The following SDCCAG8 variants were observed in gnomAD, a reference collection of about 807,000 sequenced individuals.
The protein encoded by SDCCAG8 is SHH signaling and ciliogenesis regulator SDCCAG8.
In SDCCAG8, 74 loss-of-function variants were observed where a neutral mutation model predicts 101.8. That is an observed-to-expected ratio of 0.73 (90% CI 0.60 to 0.88). The LOEUF is 0.88. Ranked by LOEUF, SDCCAG8 falls within the 40% of genes least tolerant of loss-of-function variation. The pLI is 0.00. For missense variants in SDCCAG8, 787 were observed against 822.6 expected (o/e 0.96, Z 0.53); for synonymous variants, 281 against 292.9 (o/e 0.96, Z 0.41).
intron 13 of SDCCAG8, among the ~76,000 whole-genome samples, chr1:243,379,642 A>C (rs966852596): frequency 6.6e-6 from 1 of 152,162 alleles, no homozygotes; most frequent in Admixed American, 6.5e-5. Context: ...GTTTCTTTTC[A>C]CTTTGAGTTT....
At chr1:243,449,992 T>C (rs1470662973) in intron 16 of SDCCAG8, among the ~76,000 whole-genome samples, 1 of 152,156 alleles carries the variant, frequency 6.6e-6, no homozygotes, top group Non-Finnish European at 1.5e-5. Flanking sequence ...CAGGGTGGGA[T>C]TTTTGAGGTT....
At chr1:243,320,860 ATTC>A (rs1423687743) in intron 9 of SDCCAG8, among the ~76,000 whole-genome samples, 17 of 152,164 alleles carry the variant, frequency 1.1e-4, no homozygotes, top group Admixed American at 1.1e-3. Context: ...TGCCATGTGC[ATTC>A]TTCTCTGCTC....
chr1:243,319,970 A>C (rs960642364), intron 9 of SDCCAG8, among the ~76,000 whole-genome samples: 1 of 151,412 alleles, frequency 6.6e-6, no homozygotes, highest in Admixed American at 6.6e-5. Flanking sequence ...CTTTCTTTTT[A>C]TCTCTCATTT....
intron 3 of SDCCAG8, among the ~76,000 whole-genome samples, chr1:243,274,115 C>T (rs2068318825): frequency 6.6e-6 from 1 of 152,082 alleles, no homozygotes; most frequent in Non-Finnish European, 1.5e-5. Context: ...CTGGTGAGGG[C>T]CTCAGGAAAC....
At chr1:243,286,424 T>A (rs746241693) in intron 5 of SDCCAG8, 27 bp downstream of exon 5, 25 of 1,612,482 alleles carry the variant, frequency 1.6e-5, no homozygotes, top group Non-Finnish European at 2.1e-5. Flanking sequence ...ATCATAAATT[T>A]TATTTTAGTG....
intron 12 of SDCCAG8, among the ~76,000 whole-genome samples, chr1:243,373,963 A>G (rs2077449449): frequency 1.3e-5 from 2 of 152,136 alleles, no homozygotes; most frequent in African/African-American, 2.4e-5. Context: ...ACAAGAAAGG[A>G]ATGTGGAGGA....
chr1:243,371,125 C>T (rs2077264755), intron 12 of SDCCAG8, among the ~76,000 whole-genome samples: 1 of 152,144 alleles, frequency 6.6e-6, no homozygotes, highest in African/African-American at 2.4e-5. Flanking sequence ...TGTTTGGTAG[C>T]ATGATACTTG....
intron 1 of SDCCAG8, among the ~76,000 whole-genome samples, chr1:243,265,133 T>C (rs186332058): frequency 1.6e-3 from 247 of 152,356 alleles, no homozygotes; most frequent in African/African-American, 5.2e-3. Context: ...ATCTGAGTGT[T>C]ATTCTTCTTC....
chr1:243,383,235 C>A (rs145037878), intron 13 of SDCCAG8, among the ~76,000 whole-genome samples: 2 of 152,218 alleles, frequency 1.3e-5, no homozygotes, highest in East Asian at 3.9e-4. Flanking sequence ...ACAATTAAAA[C>A]CATATACTTT....
chr1:243,395,885 TA>T (rs2079002498), intron 13 of SDCCAG8, among the ~76,000 whole-genome samples: 1 of 152,092 alleles, frequency 6.6e-6, no homozygotes, highest in Non-Finnish European at 1.5e-5. Context: ...TTATTTTTTC[TA>T]AAAATTTAGA....
chr1:243,295,766 C>T (rs1009577123), intron 6 of SDCCAG8, among the ~76,000 whole-genome samples: 1 of 152,100 alleles, frequency 6.6e-6, no homozygotes, highest in Non-Finnish European at 1.5e-5. Context: ...TCCCGAATAG[C>T]ATGTTTTCTC....
rs1191372652 is a variant in SDCCAG8, at chr1:243,325,475, T to C, written c.1069-5065T>C. On this transcript the variant is annotated intron_variant, in intron 9 of 17. Coordinates refer to ENST00000366541, the MANE Select transcript of SDCCAG8 (RefSeq NM_006642.5). ...ATTACTGAGTGATGAAATGGTTACT[T>C]GGTTTAGTTCCTTGACGTTTGTTGC... Among the ~76,000 whole-genome samples, 3 of 152,032 alleles carry C rather than the reference T, an allele frequency of 2.0e-5. No homozygotes were observed. In the East Asian group the frequency reaches 5.8e-4, roughly 29 times the overall value.
intron 16 of SDCCAG8, among the ~76,000 whole-genome samples, chr1:243,437,714 A>G (rs2082238089): frequency 6.6e-6 from 1 of 151,442 alleles, no homozygotes; most frequent in South Asian, 2.1e-4. Flanking sequence ...TTTTTTTTGT[A>G]TTTTTAGTAG....
intron 6 of SDCCAG8, chr1:243,293,596 G>C (rs1169838228): frequency 2.5e-6 from 1 of 395,578 alleles, no homozygotes; most frequent in Non-Finnish European, 5.0e-6. Flanking sequence ...ATATTTTCAA[G>C]GTTCATTTTG....
At chr1:243,456,880 A>C (rs1373624950) in intron 16 of SDCCAG8, among the ~76,000 whole-genome samples, 1 of 152,218 alleles carries the variant, frequency 6.6e-6, no homozygotes, top group Non-Finnish European at 1.5e-5. Context: ...TCTTTAATAA[A>C]TGTTAAATAC....
chr1:243,335,340 A>T (rs1027663523), intron 10 of SDCCAG8, among the ~76,000 whole-genome samples: 1 of 152,140 alleles, frequency 6.6e-6, no homozygotes, highest in Non-Finnish European at 1.5e-5. Context: ...TTGCGAATTG[A>T]GTGTTGTGTG....
In SDCCAG8 at chr1:243,493,947, G is replaced by C. The variant is rs550473735; in HGVS notation, c.2112+4807G>C. Among the ~76,000 whole-genome samples, 13 of 152,078 alleles carry C rather than the reference G, an allele frequency of 8.5e-5. No individual in the cohort carries two copies. In the South Asian group the frequency reaches 2.7e-3, roughly 32 times the overall value. Reference sequence around the variant, plus strand: ...GGGAGCAAGACTCCCTGCCGAGGGAGGCCTGGCTGCAAGGCGGAGCTGCTG... The same window carrying C: ...GGGAGCAAGACTCCCTGCCGAGGGACGCCTGGCTGCAAGGCGGAGCTGCTG... On this transcript the variant is annotated intron_variant, in intron 17 of 17. Coordinates refer to ENST00000366541, the MANE Select transcript of SDCCAG8 (RefSeq NM_006642.5).
At position 243,325,363 on chromosome 1, in the gene SDCCAG8, T is replaced by C. The variant is rs141414206; in HGVS notation, c.1069-5177T>C. On this transcript the variant is annotated intron_variant, in intron 9 of 17. Coordinates refer to ENST00000366541, the MANE Select transcript of SDCCAG8 (RefSeq NM_006642.5). ...TCTAGTACTTTTTATCTAGAAGGTA[T>C]GTTGAAACACACTAGAATTTTTGCT... Among the ~76,000 whole-genome samples the C allele has an allele frequency of 3.3e-3, 497 of 152,274 alleles. 3 individuals carry two copies. The highest frequency in any genetic ancestry group is 0.014 in the Middle Eastern group (4 of 294).
chr1:243,479,746 G>A (rs1465458199), intron 16 of SDCCAG8, among the ~76,000 whole-genome samples: 1 of 152,110 alleles, frequency 6.6e-6, no homozygotes, highest in Non-Finnish European at 1.5e-5. Flanking sequence ...AGCAGACTAG[G>A]AGAGTTTTCA....
Sources: allele counts gnomAD v4.1 joint callset (sites outside exome capture counted in the v4.1 genomes callset), GRCh38; gene constraint gnomAD v4.1.1; transcripts MANE v1.5; gene names NCBI Gene and HGNC (gene_info 2026-07-23, HGNC 2026-07-21).